Variants in AGPS observed in about 807,000 individuals in gnomAD.
AGPS encodes the protein alkylglycerone phosphate synthase.
AGPS carries 26 observed loss-of-function variants against 90.7 expected under a neutral mutation model. That is an observed-to-expected ratio of 0.29 (90% CI 0.21 to 0.40). The LOEUF (loss-of-function observed/expected upper bound fraction) is 0.40. AGPS is among the 10% of genes least tolerant of loss of function. AGPS has a pLI of 1.00. For missense variants in AGPS, 540 were observed against 816.1 expected (o/e 0.66, Z 4.12); for synonymous variants, 294 against 285.3 (o/e 1.03, Z -0.31).
chr2:177,510,577 G>A (rs1194558322), intron 16 of AGPS, among the ~76,000 whole-genome samples: 2 of 152,166 alleles, frequency 1.3e-5, no homozygotes, highest in Admixed American at 6.5e-5. Flanking sequence ...AGCTAATAAT[G>A]TGCAATTTTT....
chr2:177,393,009 A>T lies in AGPS; in HGVS notation c.220A>T (p.Thr74Ser), dbSNP rs775541152. The T allele has an allele frequency of 2.6e-5, 40 of 1,549,986 alleles. 1 individual carries two copies. In the South Asian group the frequency reaches 4.4e-4, roughly 17 times the overall value. ...GGCGGCCACGGCAGCGCCCACGGCC[A>T]CTCCCGCCGCGCAGGAGTCGGGCAC... The part of the protein sequence containing the change: ...ASAATAAPTA[T>S]PAAQESGTIP... The change falls in exon 1 of 20, where the codon ACT (threonine) becomes TCT (serine). Residue 74 changes from threonine (T) to serine (S), a missense_variant. Thr to Ser is a moderately conservative substitution (Grantham distance 58). Around this residue, in one of 2 missense-constraint regions of AGPS, gnomAD observed 135 missense variants for 124.0 expected, o/e 1.09. Coordinates refer to ENST00000264167, the MANE Select transcript of AGPS (RefSeq NM_003659.4).
intron 10 of AGPS, among the ~76,000 whole-genome samples, chr2:177,471,739 T>C (rs1421390344): frequency 6.6e-6 from 1 of 152,252 alleles, no homozygotes; most frequent in African/African-American, 2.4e-5. Flanking sequence ...CATTTATATA[T>C]CCCCAGAGTT....
intron 1 of AGPS, among the ~76,000 whole-genome samples, chr2:177,400,865 A>G (rs1446455896): frequency 6.6e-6 from 1 of 152,354 alleles, no homozygotes; most frequent in East Asian, 1.9e-4. Context: ...TCGCATTTCC[A>G]ACTCAGATTG....
intron 1 of AGPS, among the ~76,000 whole-genome samples, chr2:177,406,798 A>G (rs1408345181): frequency 1.3e-5 from 2 of 152,216 alleles, no homozygotes; most frequent in African/African-American, 4.8e-5. Flanking sequence ...GTTCTCTATG[A>G]CTTCTTGAAT....
At chr2:177,514,469 A>C (rs1271338932) in intron 17 of AGPS, among the ~76,000 whole-genome samples, 1 of 152,184 alleles carries the variant, frequency 6.6e-6, no homozygotes, top group African/African-American at 2.4e-5. Context: ...AATCCATACT[A>C]GTATTAGTAA....
At chr2:177,506,296 A>G (rs1053254133) in intron 15 of AGPS, among the ~76,000 whole-genome samples, 68 of 151,608 alleles carry the variant, frequency 4.5e-4, no homozygotes, top group African/African-American at 1.6e-3. Context: ...CAGATATCCT[A>G]TTGAGAATTT....
At chr2:177,496,630 A>C (rs1688420823) in intron 12 of AGPS, among the ~76,000 whole-genome samples, 1 of 152,100 alleles carries the variant, frequency 6.6e-6, no homozygotes, top group Non-Finnish European at 1.5e-5. Flanking sequence ...TAGATATCTA[A>C]TTCTTAGCCT....
chr2:177,471,533 T>A (rs1687625575), intron 10 of AGPS, among the ~76,000 whole-genome samples: 4 of 152,192 alleles, frequency 2.6e-5, no homozygotes, highest in Admixed American at 2.6e-4. Flanking sequence ...TATATGGTAT[T>A]TACTATATAT....
chr2:177,509,535 G>C (rs1210491570), intron 16 of AGPS, among the ~76,000 whole-genome samples: 2 of 151,812 alleles, frequency 1.3e-5, no homozygotes, highest in Admixed American at 6.6e-5. Context: ...GCCTGGTGGC[G>C]GGCGTCTGTA....
chr2:177,521,944 A>T (rs1206473899), intron 18 of AGPS, among the ~76,000 whole-genome samples: 1 of 152,186 alleles, frequency 6.6e-6, no homozygotes, highest in Non-Finnish European at 1.5e-5. Flanking sequence ...TCCTGTAGGA[A>T]GCTGAGGTTT....
At chr2:177,425,844 C>G (rs1018193379) in intron 2 of AGPS, among the ~76,000 whole-genome samples, 1 of 151,952 alleles carries the variant, frequency 6.6e-6, no homozygotes, top group Non-Finnish European at 1.5e-5. Context: ...CAGCTTTGTT[C>G]TTTTTGTGTA....
chr2:177,517,063 T>C (rs528301263), intron 17 of AGPS, among the ~76,000 whole-genome samples: 1 of 152,250 alleles, frequency 6.6e-6, no homozygotes, highest in Admixed American at 6.5e-5. Flanking sequence ...GTAGATTAGA[T>C]TCTATTTGTA....
chr2:177,421,184 G>T (rs1160030701), intron 2 of AGPS, among the ~76,000 whole-genome samples: 4 of 151,924 alleles, frequency 2.6e-5, no homozygotes, highest in Non-Finnish European at 5.9e-5. Flanking sequence ...ACATTTGAAA[G>T]GGCAGTGAGT....
chr2:177,510,119 C>A (rs1488682513), intron 16 of AGPS, among the ~76,000 whole-genome samples: 1 of 152,170 alleles, frequency 6.6e-6, no homozygotes, highest in Non-Finnish European at 1.5e-5. Flanking sequence ...TACAGAGCAC[C>A]TTAGACTGGG....
intron 8 of AGPS, among the ~76,000 whole-genome samples, chr2:177,458,927 C>T (rs1687201569): frequency 6.6e-6 from 1 of 152,206 alleles, no homozygotes; most frequent in African/African-American, 2.4e-5. Flanking sequence ...TCAAACTATA[C>T]TACAAGGCCA....
intron 12 of AGPS, among the ~76,000 whole-genome samples, chr2:177,495,401 C>T (rs946626132): frequency 1.3e-5 from 2 of 152,160 alleles, no homozygotes; most frequent in African/African-American, 2.4e-5. Context: ...ATTTTGACTA[C>T]GGTCCACAAA....
chr2:177,525,336 A>G (rs1355374794), intron 19 of AGPS, among the ~76,000 whole-genome samples: 1 of 152,208 alleles, frequency 6.6e-6, no homozygotes, highest in Non-Finnish European at 1.5e-5. Context: ...GGGAACTTTA[A>G]TATATATAAA....
At chr2:177,435,823 AG>A (rs1159522425) in intron 3 of AGPS, among the ~76,000 whole-genome samples, 1 of 152,164 alleles carries the variant, frequency 6.6e-6, no homozygotes, top group Non-Finnish European at 1.5e-5. Context: ...CCTATATTCT[AG>A]CCATGCTATT....
chr2:177,469,838 T>TG (rs1687560477), intron 10 of AGPS, among the ~76,000 whole-genome samples: 1 of 152,080 alleles, frequency 6.6e-6, no homozygotes, highest in African/African-American at 2.4e-5. Context: ...CACATTATAC[T>TG]TTTTTTTCTC....
Sources: gnomAD v4.1 joint callset for allele counts (sites outside exome capture counted in the v4.1 genomes callset) on GRCh38, gnomAD v4.1.1 for gene constraint, gnomAD v4.1.1 regional missense constraint, MANE v1.5 for transcripts, NCBI Gene and HGNC (gene_info 2026-07-23, HGNC 2026-07-21) for gene names.